Variants in CPLANE1 observed in about 807,000 individuals in gnomAD.
CPLANE1 encodes ciliogenesis and planar polarity effector complex subunit 1.
In CPLANE1, 263 loss-of-function variants were observed where a neutral mutation model predicts 362.5. That is an observed-to-expected ratio of 0.73 (90% CI 0.66 to 0.80). The LOEUF is 0.80. Ranked by LOEUF, CPLANE1 falls within the 30% of genes least tolerant of loss-of-function variation. The pLI is 0.00. For missense variants in CPLANE1, 3,461 were observed against 3,793.4 expected (o/e 0.91, Z 2.30); for synonymous variants, 1,212 against 1,302.6 (o/e 0.93, Z 1.50).
In CPLANE1 at chr5:37,121,715, A is replaced by G. The variant is rs555079361; in HGVS notation, c.9087T>C (p.Ser3029=). ...GTAGAGTTGGTAGCTGTACTGACTC[A>G]GATAACAGTTCATTCATCAGACCGT... The part of the protein sequence containing the change: ...QAYGLMNELL[S]ESVQLPTLPQ... The change falls in exon 49 of 53, where the codon TCT becomes TCC. Residue 3029 remains serine, a synonymous_variant. Coordinates refer to ENST00000651892, the MANE Select transcript of CPLANE1 (RefSeq NM_001384732.1). The G allele has an allele frequency of 5.6e-6, 9 of 1,613,666 alleles. No homozygotes were observed. The highest frequency in any genetic ancestry group is 3.3e-5 in the Admixed American group (2 of 60,018).
In CPLANE1 at chr5:37,209,431, T is replaced by C; in HGVS notation, c.2921-3006A>G. ...AGTCAAAATGAACTGCGCAAAAAGC[T>C]ATACCAGACATTTAAGGATCGGGGT... is the stretch of plus-strand genomic sequence containing the variant. On this transcript the variant is annotated intron_variant, in intron 16 of 52. Coordinates refer to ENST00000651892, the MANE Select transcript of CPLANE1 (RefSeq NM_001384732.1). The surrounding 1 kb of genome is among the most constrained non-coding windows in gnomAD (Gnocchi z 4.6). 7.7e-7 allele frequency: 1 copy of C among 1,304,134 alleles called. No individual in the cohort carries two copies. The highest frequency in any genetic ancestry group is 1.1e-6 in the Non-Finnish European group (1 of 899,784). 80.8% of individuals were successfully genotyped at this position (1,304,134 alleles called of 1,614,324 possible).
chr5:37,174,189 T>C (rs181433014), intron 31 of CPLANE1, among the ~76,000 whole-genome samples: 4 of 152,334 alleles, frequency 2.6e-5, no homozygotes, highest in African/African-American at 9.6e-5. Flanking sequence ...GATGGGCTCC[T>C]TCATAGGGTG....
chr5:37,211,984 T>C (rs755433752), intron 16 of CPLANE1: 19 of 935,196 alleles, frequency 2.0e-5, no homozygotes, highest in Non-Finnish European at 2.6e-5. Flanking sequence ...CAGAAACAAA[T>C]TGAAGAACAA....
At chr5:37,193,008 A>G (rs1272982555) in intron 21 of CPLANE1, among the ~76,000 whole-genome samples, 1 of 151,310 alleles carries the variant, frequency 6.6e-6, no homozygotes, top group East Asian at 1.9e-4. Context: ...CCTACTAAAA[A>G]GTACAAAAAT....
At chr5:37,166,164 C>G (rs936817169) in intron 35 of CPLANE1, among the ~76,000 whole-genome samples, 1 of 152,170 alleles carries the variant, frequency 6.6e-6, no homozygotes, top group Non-Finnish European at 1.5e-5. Flanking sequence ...ATTTTACAGT[C>G]TGATAAATGT....
intron 46 of CPLANE1, among the ~76,000 whole-genome samples, chr5:37,133,580 G>A (rs1197989392): frequency 6.6e-6 from 1 of 151,800 alleles, no homozygotes; most frequent in Admixed American, 6.6e-5. Context: ...CAGCTTGAAT[G>A]TTATTGGTGC....
chr5:37,242,324 A>C (rs910436891), intron 6 of CPLANE1, among the ~76,000 whole-genome samples: 1 of 152,190 alleles, frequency 6.6e-6, no homozygotes, highest in Non-Finnish European at 1.5e-5. Flanking sequence ...ACTGCACTCC[A>C]GCCTGGGCGA....
chr5:37,139,792 C>CT (rs1439114460), intron 44 of CPLANE1: 15 of 921,546 alleles, frequency 1.6e-5, no homozygotes, highest in Non-Finnish European at 1.9e-5. Context: ...TCAAGTGATT[C>CT]ACCTGCCTTG....
intron 21 of CPLANE1, among the ~76,000 whole-genome samples, chr5:37,189,746 C>G (rs1275437587): frequency 6.6e-6 from 1 of 152,116 alleles, no homozygotes; most frequent in Non-Finnish European, 1.5e-5. Flanking sequence ...TGCCTGTAAT[C>G]CCAGTACTTT....
At chr5:37,206,084 T>C in intron 17 of CPLANE1, 113 bp downstream of exon 17, 3 of 749,342 alleles carry the variant, frequency 4.0e-6, no homozygotes, top group East Asian at 2.7e-5. Context: ...GAACGTTCCA[T>C]TGAACAATGC....
At chr5:37,158,146 C>A (rs1220519622) in intron 39 of CPLANE1, 78 bp downstream of exon 39, 2 of 1,453,988 alleles carry the variant, frequency 1.4e-6, no homozygotes, top group South Asian at 1.2e-5. Flanking sequence ...TTTCATCTAC[C>A]CAATTGAATA....
At chr5:37,098,339 C>T in the CPLANE1 span, among the ~76,000 whole-genome samples, 137 of 133,982 alleles carry the variant, frequency 1.0e-3, no homozygotes, top group Non-Finnish European at 1.7e-3. Flanking sequence ...TGCAGTGAGC[C>T]GATATCATGC....
intron 21 of CPLANE1, among the ~76,000 whole-genome samples, chr5:37,188,923 G>A (rs1176309637): frequency 1.3e-5 from 2 of 152,020 alleles, no homozygotes; most frequent in East Asian, 1.9e-4. Flanking sequence ...GCAGTGGTGC[G>A]ATCTTGGCCT....
chr5:37,226,802 A>G lies in CPLANE1; in HGVS notation c.1793T>C (p.Ile598Thr). Residue 598 changes from isoleucine (I) to threonine (T), a missense_variant, in exon 12 of 53, where the codon ATA becomes ACA. This residue lies in a region of CPLANE1 where 3,380 missense variants were observed against 3,666.1 expected (regional missense o/e 0.92). Coordinates refer to ENST00000651892, the MANE Select transcript of CPLANE1 (RefSeq NM_001384732.1). ...AAAAAAATGAGTGATACAAACTACTATGTAATTTAACATTAAATTTTTTTC... is the reference window on the plus strand; with the variant it reads ...AAAAAAATGAGTGATACAAACTACTGTGTAATTTAACATTAAATTTTTTTC... ...VTEKNLMLNY[I>T]VVCITHFFYI... 2 of 1,549,446 alleles carry G rather than the reference A, an allele frequency of 1.3e-6. No homozygotes were observed. Among genetic ancestry groups the G allele is most frequent in the Non-Finnish European group, 1.7e-6 (2 of 1,145,978 alleles).
intron 20 of CPLANE1, 151 bp from the exon 21 acceptor site, chr5:37,196,147 T>G (rs1390669076): frequency 3.9e-6 from 2 of 509,110 alleles, no homozygotes; most frequent in East Asian, 3.5e-5. Flanking sequence ...ACTTACAAAT[T>G]TAATTCAGGA....
intron 20 of CPLANE1, among the ~76,000 whole-genome samples, chr5:37,198,110 G>A (rs749725367): frequency 5.3e-5 from 8 of 152,116 alleles, no homozygotes; most frequent in Non-Finnish European, 8.8e-5. Flanking sequence ...AGAGACAGCA[G>A]GCATATAAAG....
At chr5:37,185,372 T>C (rs540428146) in intron 24 of CPLANE1, among the ~76,000 whole-genome samples, 1 of 152,232 alleles carries the variant, frequency 6.6e-6, no homozygotes, top group East Asian at 1.9e-4. Context: ...TTTAACTGTT[T>C]TAAAACTCAG....
chr5:37,127,782 C>T (rs1764628863), intron 46 of CPLANE1, among the ~76,000 whole-genome samples: 2 of 151,792 alleles, frequency 1.3e-5, no homozygotes, highest in Admixed American at 1.3e-4. Flanking sequence ...TCCCAAAATG[C>T]TGGGATTATA....
intron 2 of CPLANE1, among the ~76,000 whole-genome samples, chr5:37,247,135 A>C (rs1739942932): frequency 6.6e-6 from 1 of 152,156 alleles, no homozygotes; most frequent in Non-Finnish European, 1.5e-5. Context: ...TACTTTCCCT[A>C]AGTGGGGAAT....
Sources: allele counts gnomAD v4.1 joint callset (sites outside exome capture counted in the v4.1 genomes callset), GRCh38; gene constraint gnomAD v4.1.1; regional missense constraint gnomAD v4.1.1; non-coding constraint Gnocchi (gnomAD v3.1); transcripts MANE v1.5; gene names NCBI Gene and HGNC (gene_info 2026-07-23, HGNC 2026-07-21).